Variants in PRKCE observed in about 807,000 individuals in gnomAD.
PRKCE encodes protein kinase C epsilon, also known as protein kinase C epsilon type.
Under a neutral mutation model 85.4 loss-of-function variants are expected in PRKCE, and 16 were observed. The ratio of observed to expected loss-of-function variants is 0.19; its 90% CI spans 0.13 to 0.28. The LOEUF is 0.28. Ranked by LOEUF, PRKCE falls within the 10% of genes least tolerant of loss-of-function variation. The probability of loss-of-function intolerance (pLI) is 1.00; values close to 1 mark genes in which losing one functional copy is unlikely to be tolerated. For synonymous variants in PRKCE, 388 were observed against 371.5 expected (o/e 1.04, Z -0.51); for missense variants, 573 against 975.2 (o/e 0.59, Z 5.49).
intron 1 of PRKCE, among the ~76,000 whole-genome samples, chr2:45,703,807 T>A (rs999158276): frequency 6.6e-6 from 1 of 151,942 alleles, no homozygotes; most frequent in African/African-American, 2.4e-5. Flanking sequence ...TGGAAAACTA[T>A]CTTTAACTAT....
At chr2:45,851,098 T>G (rs1159767896) in intron 2 of PRKCE, among the ~76,000 whole-genome samples, 1 of 152,184 alleles carries the variant, frequency 6.6e-6, no homozygotes, top group Non-Finnish European at 1.5e-5. Context: ...AGGCAGTCAG[T>G]AAATGACAGC....
At chr2:45,783,471 T>A (rs958670049) in intron 1 of PRKCE, among the ~76,000 whole-genome samples, 6 of 152,228 alleles carry the variant, frequency 3.9e-5, no homozygotes, top group Non-Finnish European at 8.8e-5. Flanking sequence ...GGACGGAGTC[T>A]CAGGTCAGGA....
chr2:45,668,825 T>C (rs942051328), intron 1 of PRKCE, among the ~76,000 whole-genome samples: 2 of 152,128 alleles, frequency 1.3e-5, no homozygotes, highest in African/African-American at 2.4e-5. Context: ...GTCACACACA[T>C]GTAAGTAATA....
At chr2:46,085,324 G>C (rs1468685169) in intron 10 of PRKCE, among the ~76,000 whole-genome samples, 2 of 152,204 alleles carry the variant, frequency 1.3e-5, no homozygotes, top group African/African-American at 2.4e-5. Flanking sequence ...CACAGTGCAT[G>C]GGGGTTCACA....
chr2:45,987,450 C>G (rs778780270), intron 6 of PRKCE, among the ~76,000 whole-genome samples: 19 of 152,282 alleles, frequency 1.2e-4, no homozygotes, highest in Middle Eastern at 3.4e-3. Context: ...CTGTGACCCT[C>G]TCCTTCTCCC....
intron 1 of PRKCE, among the ~76,000 whole-genome samples, chr2:45,718,584 G>T (rs7598459): frequency 0.85 from 129,933 of 152,050 alleles, 55,840 homozygotes; most frequent in East Asian, 0.94. Context: ...CCTAGTGATC[G>T]GCCCACCTCG....
chr2:45,854,045 A>G (rs920667063), intron 2 of PRKCE, among the ~76,000 whole-genome samples: 2 of 152,126 alleles, frequency 1.3e-5, no homozygotes, highest in Non-Finnish European at 2.9e-5. Flanking sequence ...GTGTCTTTCT[A>G]TACAACCATG....
At chr2:45,844,513 A>G (rs1303425370) in intron 2 of PRKCE, among the ~76,000 whole-genome samples, 1 of 152,220 alleles carries the variant, frequency 6.6e-6, no homozygotes, top group Non-Finnish European at 1.5e-5. Context: ...CCAATTAAGA[A>G]TTAGAGCAAG....
At chr2:46,057,368 T>C (rs1035401990) in intron 10 of PRKCE, among the ~76,000 whole-genome samples, 2 of 152,082 alleles carry the variant, frequency 1.3e-5, no homozygotes, top group African/African-American at 2.4e-5. Context: ...CTTTAATACA[T>C]AGTTGAAAGT....
chr2:45,992,244 G>A (rs1703860222), intron 6 of PRKCE, among the ~76,000 whole-genome samples: 1 of 152,188 alleles, frequency 6.6e-6, no homozygotes, highest in Non-Finnish European at 1.5e-5. Flanking sequence ...GGGACCATGA[G>A]AATGTCCCCT....
chr2:46,117,400 C>A (rs987772034), intron 11 of PRKCE, among the ~76,000 whole-genome samples: 1 of 151,958 alleles, frequency 6.6e-6, no homozygotes, highest in Admixed American at 6.6e-5. Context: ...CATTTTGTAT[C>A]CAAAATAATG....
intron 5 of PRKCE, among the ~76,000 whole-genome samples, chr2:45,982,714 G>C (rs1237951451): frequency 6.6e-6 from 1 of 152,136 alleles, no homozygotes; most frequent in East Asian, 1.9e-4. Flanking sequence ...TGGTCAGTCT[G>C]ATGCTGTGGC....
intron 11 of PRKCE, among the ~76,000 whole-genome samples, chr2:46,094,400 C>T (rs1161816513): frequency 6.6e-6 from 1 of 152,158 alleles, no homozygotes; most frequent in African/African-American, 2.4e-5. Flanking sequence ...ATTTTACTCT[C>T]AGACTTGATA....
intron 2 of PRKCE, among the ~76,000 whole-genome samples, chr2:45,958,381 C>A (rs1461985277): frequency 6.6e-6 from 1 of 150,818 alleles, no homozygotes; most frequent in Non-Finnish European, 1.5e-5. Context: ...TGGTGGCGGG[C>A]GCCTGTAGTC....
intron 1 of PRKCE, among the ~76,000 whole-genome samples, chr2:45,791,546 T>G (rs1393189208): frequency 6.6e-6 from 1 of 152,254 alleles, no homozygotes; most frequent in Non-Finnish European, 1.5e-5. Flanking sequence ...GTTCTTTTCT[T>G]TCTTTTAGTT....
At chr2:46,157,987 G>A (rs1558513173) in intron 13 of PRKCE, among the ~76,000 whole-genome samples, 1 of 152,280 alleles carries the variant, frequency 6.6e-6, no homozygotes, top group East Asian at 1.9e-4. Context: ...AACAATAAGC[G>A]GCTGTGCCAC....
chr2:45,732,633 G>A (rs148784457), intron 1 of PRKCE, among the ~76,000 whole-genome samples: 50 of 152,164 alleles, frequency 3.3e-4, no homozygotes, highest in Middle Eastern at 6.8e-3. Context: ...AAGTCTTCCC[G>A]GATCCTCCAA....
chr2:46,162,174 A>G (rs1677840308), intron 14 of PRKCE, among the ~76,000 whole-genome samples: 1 of 152,110 alleles, frequency 6.6e-6, no homozygotes, highest in Admixed American at 6.6e-5. Context: ...GCAGGAGGAA[A>G]TATATCCCTG....
At chr2:46,180,754 A>G (rs532205683) in intron 14 of PRKCE, among the ~76,000 whole-genome samples, 2 of 152,326 alleles carry the variant, frequency 1.3e-5, no homozygotes, top group African/African-American at 2.4e-5. Context: ...AAGGAAACCT[A>G]TAGTGTGCCT....
Sources: gnomAD v4.1 joint callset for allele counts (sites outside exome capture counted in the v4.1 genomes callset) on GRCh38, gnomAD v4.1.1 for gene constraint, MANE v1.5 for transcripts, NCBI Gene and HGNC (gene_info 2026-07-23, HGNC 2026-07-21) for gene names.